C12orf42: variants seen among roughly 807,000 people sequenced by gnomAD.
The protein encoded by C12orf42 is uncharacterized protein C12orf42.
In C12orf42, 25 loss-of-function variants were observed where a neutral mutation model predicts 21.6. The observed-to-expected ratio is 1.16, with a 90% CI of 0.84 to 1.62. The LOEUF (loss-of-function observed/expected upper bound fraction) is 1.62. C12orf42 is among the 40% of genes most tolerant of loss of function. The pLI, the probability that C12orf42 is intolerant of heterozygous loss-of-function variation, is 0.00. For missense variants in C12orf42, 483 were observed against 459.3 expected (o/e 1.05, Z -0.47); for synonymous variants, 174 against 175.0 (o/e 0.99, Z 0.05).
chr12:103,331,633 G>C (rs570922127), intron 4 of C12orf42, among the ~76,000 whole-genome samples: 2 of 152,268 alleles, frequency 1.3e-5, no homozygotes, highest in South Asian at 4.1e-4. Flanking sequence ...CATGTAGAGG[G>C]TTGACAAGAA....
chr12:103,233,332 T>C (rs1045981020), downstream of C12orf42, among the ~76,000 whole-genome samples: 5 of 152,204 alleles, frequency 3.3e-5, no homozygotes, highest in Non-Finnish European at 5.9e-5. Flanking sequence ...ATATAAACTT[T>C]AAAATAAGTT....
the C12orf42 span, among the ~76,000 whole-genome samples, chr12:103,129,367 A>C: frequency 6.6e-6 from 1 of 152,134 alleles, no homozygotes; most frequent in Non-Finnish European, 1.5e-5. Flanking sequence ...TTGACCCTGG[A>C]ACTTGCCCAG....
chr12:103,108,723 T>C, the C12orf42 span, among the ~76,000 whole-genome samples: 11 of 152,112 alleles, frequency 7.2e-5, no homozygotes, highest in Admixed American at 2.0e-4. Flanking sequence ...CTATTCAACA[T>C]TGTATGGAAG....
chr12:103,274,462 A>G (rs1050666229), intron 5 of C12orf42, among the ~76,000 whole-genome samples: 2 of 152,198 alleles, frequency 1.3e-5, no homozygotes, highest in Non-Finnish European at 2.9e-5. Context: ...TTCCCTTAGA[A>G]GTCTCCATTT....
At chr12:103,233,204 A>G (rs892861426), downstream of C12orf42, among the ~76,000 whole-genome samples, 5 of 152,286 alleles carry the variant, frequency 3.3e-5, no homozygotes, top group East Asian at 1.9e-4. Context: ...TTTTGCCAAT[A>G]CCACACTGTC....
chr12:103,252,645 G>A lies in C12orf42; in HGVS notation c.*1366+10681C>T, dbSNP rs191609736. Among the ~76,000 whole-genome samples, 484 of 152,128 alleles carry A rather than the reference G, an allele frequency of 3.2e-3. 5 individuals are homozygous for A. Among genetic ancestry groups the A allele is most frequent in the African/African-American group, 0.011 (473 of 41,518 alleles). ...TGCCCACTTTTTGATGGGGTTGTTT[G>A]TTTTTTTCTTGTAAATTTGTTTATG... is the stretch of plus-strand genomic sequence containing the variant. On this transcript the variant is annotated intron_variant and NMD_transcript_variant, in intron 10 of 10. Coordinates refer to the C12orf42 transcript ENST00000547347.
intron 4 of C12orf42, among the ~76,000 whole-genome samples, chr12:103,294,413 G>GAAAGAA (rs1166795101): frequency 8.0e-6 from 1 of 125,056 alleles, no homozygotes; most frequent in Non-Finnish European, 1.7e-5. Context: ...AAGAAAGAAA[G>GAAAGAA]AGAGAAAGGA....
chr12:103,346,104 C>T (rs1314297602), intron 4 of C12orf42, among the ~76,000 whole-genome samples: 2 of 152,054 alleles, frequency 1.3e-5, no homozygotes, highest in African/African-American at 2.4e-5. Context: ...TGTTAAATAA[C>T]AAGAAAATTC....
the C12orf42 span, among the ~76,000 whole-genome samples, chr12:103,165,343 G>A: frequency 6.6e-6 from 1 of 152,174 alleles, no homozygotes; most frequent in Non-Finnish European, 1.5e-5. Context: ...AAACATGGCT[G>A]CATCTCCCAG....
chr12:103,251,929 G>A (rs893271079), intron 10 of C12orf42, among the ~76,000 whole-genome samples: 2 of 152,064 alleles, frequency 1.3e-5, no homozygotes, highest in African/African-American at 2.4e-5. Context: ...ATTACTTGGG[G>A]GCAGGAGGTA....
chr12:103,362,012 C>A (rs1176326958), intron 4 of C12orf42, among the ~76,000 whole-genome samples: 1 of 152,148 alleles, frequency 6.6e-6, no homozygotes, highest in Non-Finnish European at 1.5e-5. Flanking sequence ...ACAGCTGATG[C>A]CCTCTTGAAA....
At chr12:103,116,576 G>A in the C12orf42 span, among the ~76,000 whole-genome samples, 1 of 151,996 alleles carries the variant, frequency 6.6e-6, no homozygotes, top group Non-Finnish European at 1.5e-5. Context: ...AAAAAACAGT[G>A]AGTATTCATT....
At chr12:103,187,321 A>G in the C12orf42 span, among the ~76,000 whole-genome samples, 1 of 152,244 alleles carries the variant, frequency 6.6e-6, no homozygotes, top group Admixed American at 6.5e-5. Flanking sequence ...GAATAAAAAA[A>G]AACTGAAACA....
intron 4 of C12orf42, among the ~76,000 whole-genome samples, chr12:103,328,715 G>A (rs2040934186): frequency 6.6e-6 from 1 of 152,172 alleles, no homozygotes; most frequent in South Asian, 2.1e-4. Flanking sequence ...TGAAATGAAT[G>A]ACCTCTCAGA....
chr12:103,067,930 G>T, the C12orf42 span, among the ~76,000 whole-genome samples: 1 of 152,168 alleles, frequency 6.6e-6, no homozygotes, highest in Non-Finnish European at 1.5e-5. Flanking sequence ...TCATTAGGGC[G>T]TCTCTTAGTA....
At chr12:103,180,615 C>CTTTTTTT in the C12orf42 span, among the ~76,000 whole-genome samples, 80 of 61,992 alleles carry the variant, frequency 1.3e-3, 3 homozygotes, top group African/African-American at 3.7e-3. Context: ...AAATAATTTC[C>CTTTTTTT]TTTTTTTTTT....
intron 4 of C12orf42, among the ~76,000 whole-genome samples, chr12:103,341,588 A>C (rs1346748903): frequency 6.6e-6 from 1 of 152,218 alleles, no homozygotes; most frequent in Non-Finnish European, 1.5e-5. Context: ...CAGAGAACAA[A>C]TGAGACAAAT....
At chr12:103,452,412 A>G (rs1337499509) in intron 2 of C12orf42, among the ~76,000 whole-genome samples, 1 of 152,176 alleles carries the variant, frequency 6.6e-6, no homozygotes, top group Non-Finnish European at 1.5e-5. Context: ...GCAAGAATTA[A>G]GGAAATAGAT....
At chr12:103,116,381 A>AAAAATAT in the C12orf42 span, among the ~76,000 whole-genome samples, 1 of 136,712 alleles carries the variant, frequency 7.3e-6, no homozygotes, top group African/African-American at 2.7e-5. Flanking sequence ...AAAAAAAAAA[A>AAAAATAT]ATATATATAT....
Sources: gnomAD v4.1 joint callset for allele counts (sites outside exome capture counted in the v4.1 genomes callset) on GRCh38, gnomAD v4.1.1 for gene constraint, MANE v1.5 for transcripts, NCBI Gene and HGNC (gene_info 2026-07-23, HGNC 2026-07-21) for gene names.